Variants in FBXW8 observed in about 807,000 individuals in gnomAD.
The protein encoded by FBXW8 is F-box/WD repeat-containing protein 8.
A neutral mutation model predicts 65.3 loss-of-function variants in FBXW8; 57 were observed. The observed-to-expected ratio is 0.87, with a 90% CI of 0.71 to 1.09. FBXW8 has a LOEUF of 1.09. Among genes scored for constraint, FBXW8 ranks in the 50% least tolerant of loss-of-function variants. FBXW8 has a pLI of 0.00. For missense variants in FBXW8, 777 were observed against 814.8 expected (o/e 0.95, Z 0.57); for synonymous variants, 308 against 330.2 (o/e 0.93, Z 0.73).
rs1344312567 is a variant in FBXW8, at chr12:116,911,161, G to T, written c.124G>T (p.Gly42Cys). 8 of 1,336,904 alleles carry T rather than the reference G, an allele frequency of 6.0e-6. No homozygotes were observed. In the South Asian group the frequency reaches 1.6e-4, roughly 27 times the overall value. 82.8% of individuals were successfully genotyped at this position (1,336,904 alleles called of 1,614,324 possible). A position where few individuals can be genotyped will look rare whatever the true frequency, so the allele number is the denominator to read the frequency against. The change falls in exon 1 of 11, where the codon GGC (glycine) becomes TGC (cysteine). Residue 42 changes from glycine to cysteine, a missense_variant. By Grantham distance (159) the Gly-to-Cys change is radical. Transcript: ENST00000652555. ...GAGGCGGGCTCGGCGGCCGGAGGTG[G>T]GCTCCGGGCGCGGCGAACAGGCCTC... ...AERRARRPEV[G>C]SGRGEQASGD...
At chr12:116,952,901 C>T (rs1441855627) in intron 4 of FBXW8, among the ~76,000 whole-genome samples, 1 of 152,078 alleles carries the variant, frequency 6.6e-6, no homozygotes, top group Non-Finnish European at 1.5e-5. Flanking sequence ...CCACACCCAG[C>T]TAATTTTTGT....
At chr12:116,981,422 T>C (rs1885295672) in intron 5 of FBXW8, among the ~76,000 whole-genome samples, 1 of 152,220 alleles carries the variant, frequency 6.6e-6, no homozygotes, top group South Asian at 2.1e-4. Context: ...CATGGATAAA[T>C]AGAAATGGCT....
intron 8 of FBXW8, among the ~76,000 whole-genome samples, chr12:117,018,575 C>T (rs922851972): frequency 1.3e-5 from 2 of 150,888 alleles, no homozygotes; most frequent in Non-Finnish European, 2.9e-5. Flanking sequence ...GGACTTAGCA[C>T]ACTGTGCTGT....
intron 4 of FBXW8, among the ~76,000 whole-genome samples, chr12:116,959,786 C>CA (rs745970931): frequency 2.6e-5 from 4 of 152,100 alleles, no homozygotes; most frequent in Non-Finnish European, 4.4e-5. Flanking sequence ...ATTCTTTCAA[C>CA]AAAAAATCAG....
intron 1 of FBXW8, among the ~76,000 whole-genome samples, chr12:116,916,835 G>A (rs1405302119): frequency 4.6e-5 from 7 of 152,138 alleles, no homozygotes; most frequent in Non-Finnish European, 1.0e-4. Context: ...TCGTGTGTCT[G>A]AGGTTAGCTG....
intron 2 of FBXW8, 137 bp downstream of exon 2, chr12:116,928,264 A>G: frequency 3.0e-6 from 2 of 663,066 alleles, no homozygotes; most frequent in South Asian, 3.5e-5. Context: ...GTTTACTTGA[A>G]GGAAAGCCAC....
rs545707156 is a variant in FBXW8 at position 117,027,229 on chromosome 12, A to C, written c.1542-165A>C. Among the ~76,000 whole-genome samples the C allele has an allele frequency of 3.3e-5, 5 of 152,312 alleles. 1 individual carries two copies. In the South Asian group the frequency reaches 1.0e-3, roughly 32 times the overall value. ...TGGCCTGCTCACCTGAGCTTCGGGA[A>C]CTGAGGTGAGACACTGCTTCCATGG... On this transcript the variant is annotated intron_variant, in intron 9 of 10. Coordinates refer to ENST00000652555, the MANE Select transcript of FBXW8 (RefSeq NM_153348.3).
Position 116,988,683 on chromosome 12 carries a change from T to C in FBXW8, c.1053T>C (p.Val351=). 1 of 1,614,156 alleles carries C rather than the reference T, an allele frequency of 6.2e-7. No homozygotes were observed. The highest frequency in any genetic ancestry group is 8.5e-7 in the Non-Finnish European group (1 of 1,180,022). ...AACAGGTTCAGTACCTTGAAATAGT[T>C]CCAGAAACCAGAAGGTACCCTGTGG... ...VPKLVQYLEI[V]PETRRYPVAV... Residue 351 remains valine (V), a synonymous_variant, in exon 7 of 11, where the codon GTT becomes GTC. Transcript: ENST00000652555.
chr12:116,911,588 C>T (rs1879949600), intron 1 of FBXW8, among the ~76,000 whole-genome samples: 1 of 152,130 alleles, frequency 6.6e-6, no homozygotes, highest in Non-Finnish European at 1.5e-5. Flanking sequence ...TTTTTGGGTG[C>T]CTCATCGGGG....
intron 1 of FBXW8, among the ~76,000 whole-genome samples, chr12:116,923,725 T>A (rs189596250): frequency 0.027 from 4,090 of 149,926 alleles, 101 homozygotes; most frequent in African/African-American, 0.064. Flanking sequence ...TTAATTTATT[T>A]ATTTATTTAT....
intron 4 of FBXW8, among the ~76,000 whole-genome samples, chr12:116,957,192 CA>C (rs545182583): frequency 3.9e-4 from 59 of 151,752 alleles, no homozygotes; most frequent in African/African-American, 1.4e-3. Flanking sequence ...ACCAAAAATA[CA>C]AAAATTAGCC....
chr12:116,958,287 T>G (rs972847422), intron 4 of FBXW8, among the ~76,000 whole-genome samples: 2 of 152,242 alleles, frequency 1.3e-5, no homozygotes, highest in Non-Finnish European at 2.9e-5. Flanking sequence ...ACTCTTGCTT[T>G]TATTGATTGG....
intron 8 of FBXW8, among the ~76,000 whole-genome samples, chr12:117,019,699 G>A (rs966327181): frequency 6.6e-6 from 1 of 152,088 alleles, no homozygotes; most frequent in Non-Finnish European, 1.5e-5. Flanking sequence ...GAGAATGCCC[G>A]CGCATCCACC....
At chr12:116,932,619 T>C (rs904107097) in intron 2 of FBXW8, among the ~76,000 whole-genome samples, 4 of 152,216 alleles carry the variant, frequency 2.6e-5, no homozygotes, top group Non-Finnish European at 4.4e-5. Flanking sequence ...CACTGCAACC[T>C]CTGCCTCCCA....
chr12:116,919,146 G>T lies in FBXW8; in HGVS notation c.318+7791G>T, dbSNP rs568793736. Among the ~76,000 whole-genome samples the T allele has an allele frequency of 4.6e-5, 7 of 152,264 alleles. No homozygotes were observed. In the East Asian group the frequency reaches 9.6e-4, roughly 21 times the overall value. On this transcript the variant is annotated intron_variant, in intron 1 of 10. Coordinates refer to ENST00000652555, the MANE Select transcript of FBXW8 (RefSeq NM_153348.3). The stretch of plus-strand genomic sequence containing the variant: ...TATGGAAAGCAAAACCGCGGATAAG[G>T]GGGGACGACTGTGTTTTCTGTTCAT...
chr12:116,980,847 T>C (rs1202736709), intron 5 of FBXW8, among the ~76,000 whole-genome samples: 72 of 152,204 alleles, frequency 4.7e-4, no homozygotes, highest in Admixed American at 4.7e-3. Context: ...TCTGTGATCA[T>C]TGTGTTTTAT....
At chr12:117,016,631 C>G (rs1953953290) in intron 8 of FBXW8, among the ~76,000 whole-genome samples, 1 of 147,246 alleles carries the variant, frequency 6.8e-6, no homozygotes, top group Non-Finnish European at 1.5e-5. Flanking sequence ...TGATGAAGTT[C>G]TATTTGTCTG....
At chr12:117,006,636 T>C (rs1953681244) in intron 7 of FBXW8, among the ~76,000 whole-genome samples, 2 of 152,202 alleles carry the variant, frequency 1.3e-5, no homozygotes, top group African/African-American at 4.8e-5. Context: ...AGATGATCGG[T>C]GGGTCTCCTC....
chr12:116,983,960 A>G (rs1885491084), intron 5 of FBXW8, among the ~76,000 whole-genome samples: 1 of 152,216 alleles, frequency 6.6e-6, no homozygotes, highest in Non-Finnish European at 1.5e-5. Flanking sequence ...CCGTCAGCTA[A>G]CAAGTGCTGG....
Sources: gnomAD v4.1 joint callset for allele counts (sites outside exome capture counted in the v4.1 genomes callset) on GRCh38, gnomAD v4.1.1 for gene constraint, MANE v1.5 for transcripts, NCBI Gene and HGNC (gene_info 2026-07-23, HGNC 2026-07-21) for gene names.